KLHL28: variants seen among roughly 807,000 people sequenced by gnomAD.
KLHL28 encodes the protein kelch-like protein 28.
KLHL28 carries 22 observed loss-of-function variants against 48.3 expected under a neutral mutation model. That is an observed-to-expected ratio of 0.46 (90% confidence interval 0.33 to 0.65). KLHL28 has a LOEUF of 0.65. Ranked by LOEUF, KLHL28 falls within the 30% of genes least tolerant of loss-of-function variation. The pLI, the probability that KLHL28 is intolerant of heterozygous loss-of-function variation, is 0.03. For synonymous variants in KLHL28, 243 were observed against 242.4 expected (o/e 1.00, Z -0.02); for missense variants, 527 against 704.3 (o/e 0.75, Z 2.85).
chr14:44,951,222 A>C (rs771198162), intron 1 of KLHL28, among the ~76,000 whole-genome samples: 6 of 152,236 alleles, frequency 3.9e-5, no homozygotes, highest in Non-Finnish European at 7.3e-5. Flanking sequence ...AAACTGTCTC[A>C]TGACACACTT....
rs929929352 is a variant in KLHL28 at position 44,945,146 on chromosome 14, G to A, written c.783C>T (p.His261=). ...KHLLNEALKY[H]FMPEHRLSHQ... ...GAGAGAGTCTATGTTCAGGCATAAA[G>A]TGGTACTTTAGGGCTTCATTCAAAA... Residue 261 remains histidine (H), a synonymous_variant, in exon 2 of 5, where the codon CAC becomes CAT. Transcript: ENST00000396128. 18 of 1,614,008 alleles carry A rather than the reference G, an allele frequency of 1.1e-5. No individual in the cohort carries two copies. The highest frequency in any genetic ancestry group is 2.7e-5 in the African/African-American group (2 of 74,926).
intron 1 of KLHL28, among the ~76,000 whole-genome samples, chr14:44,952,783 A>C (rs948433184): frequency 1.3e-5 from 2 of 152,212 alleles, no homozygotes; most frequent in Middle Eastern, 3.2e-3. Flanking sequence ...TGGCTAAAAA[A>C]AGTAATTCAA....
Position 44,961,005 on chromosome 14 carries a change from A to C in KLHL28, c.-1+841T>G, listed in dbSNP as rs182873812. 9.7e-6 allele frequency: 8 copies of C among 827,374 alleles called. No individual in the cohort carries two copies. The Admixed American group carries it at 1.6e-4, about 17-fold the overall frequency. The allele number at this position is 827,374 out of a possible 1,614,324, so 51.3% of individuals were successfully genotyped here. Reference sequence around the variant, plus strand: ...AGTAATAGTATTATTCCTTCAAAAAAAAAAAATATCTCTTCCACACTCCAA... The same window carrying C: ...AGTAATAGTATTATTCCTTCAAAAACAAAAAATATCTCTTCCACACTCCAA... On this transcript the variant is annotated intron_variant, in intron 1 of 4. Transcript: ENST00000396128.
At chr14:44,941,253 T>A (rs187680855) in intron 2 of KLHL28, among the ~76,000 whole-genome samples, 2 of 152,270 alleles carry the variant, frequency 1.3e-5, no homozygotes, top group Admixed American at 1.3e-4. Context: ...AAAAGAAAAG[T>A]CTTCATTCAG....
intron 2 of KLHL28, among the ~76,000 whole-genome samples, chr14:44,941,318 T>C (rs1260415175): frequency 2.0e-5 from 3 of 152,110 alleles, no homozygotes; most frequent in African/African-American, 7.2e-5. Context: ...ATCTACAGCA[T>C]TTCTACAACT....
intron 3 of KLHL28, among the ~76,000 whole-genome samples, chr14:44,933,720 T>C (rs1342232803): frequency 1.3e-5 from 2 of 152,236 alleles, no homozygotes; most frequent in Admixed American, 6.5e-5. Flanking sequence ...GTTTATGATG[T>C]GCTATAATAT....
At chr14:44,948,323 T>C (rs1348931602) in intron 1 of KLHL28, among the ~76,000 whole-genome samples, 5 of 152,156 alleles carry the variant, frequency 3.3e-5, no homozygotes, top group Non-Finnish European at 5.9e-5. Context: ...GTAAGTGATA[T>C]TGTACTACAG....
rs749413421 is a variant in KLHL28, at chr14:44,931,441, A to G, written c.1444T>C (p.Phe482Leu). Reference sequence around the variant, plus strand: ...ACTCCATTATGTCCACCCACCACAAAAATAAAGCCTAGCATGACACCCACG... The same window carrying G: ...ACTCCATTATGTCCACCCACCACAAGAATAAAGCCTAGCATGACACCCACG... ...FGVGVMLGFI[F>L]VVGGHNGVSH... Residue 482 changes from phenylalanine (F) to leucine (L), a missense_variant, in exon 4 of 5, where the codon TTT becomes CTT. Phe to Leu is a conservative substitution (Grantham distance 22). Transcript: ENST00000396128. 19 of 1,613,918 alleles carry G rather than the reference A, an allele frequency of 1.2e-5. No individual in the cohort carries two copies. Among genetic ancestry groups the G allele is most frequent in the Non-Finnish European group, 1.5e-5 (18 of 1,179,980 alleles).
At chr14:44,934,650 A>C (rs1275468159) in intron 2 of KLHL28, 92 bp from the exon 3 acceptor site, 1 of 967,344 alleles carries the variant, frequency 1.0e-6, no homozygotes, top group Non-Finnish European at 1.5e-6. Flanking sequence ...CAGGGACACA[A>C]AAATTAAAAG....
chr14:44,960,834 A>C, intron 1 of KLHL28: 1 of 976,024 alleles, frequency 1.0e-6, no homozygotes, highest in South Asian at 1.6e-5. Context: ...GCTGTTTGGC[A>C]TATGTGACTC....
chr14:44,958,503 T>A (rs1884894070), intron 1 of KLHL28, among the ~76,000 whole-genome samples: 1 of 152,154 alleles, frequency 6.6e-6, no homozygotes, highest in Admixed American at 6.5e-5. Flanking sequence ...ATTTCTTTCC[T>A]ACAGTTCAAC....
At chr14:44,938,661 C>A (rs993410699) in intron 2 of KLHL28, among the ~76,000 whole-genome samples, 1 of 152,132 alleles carries the variant, frequency 6.6e-6, no homozygotes. Flanking sequence ...TGAGCCACCG[C>A]GCCCGGCCGA....
Position 44,928,842 on chromosome 14 carries a change from A to G in KLHL28, c.*186T>C, listed in dbSNP as rs1286752402. On this transcript the variant is annotated 3_prime_UTR_variant, in exon 5 of 5. Transcript: ENST00000396128. ...CTTTTTTCTTTTTGATTATTGATTT[A>G]CTGTGTAATCAAGAGCAACCAAAAC... The G allele has an allele frequency of 2.2e-6, 1 of 450,056 alleles. No individual in the cohort carries two copies. The highest frequency in any genetic ancestry group is 3.9e-6 in the Non-Finnish European group (1 of 255,258). 27.9% of individuals were successfully genotyped at this position (450,056 alleles called of 1,614,324 possible). A position where few individuals can be genotyped will look rare whatever the true frequency, so the allele number is the denominator to read the frequency against.
chr14:44,929,219 G>A, intron 4 of KLHL28, 28 bp from the exon 5 acceptor site: 1 of 1,565,754 alleles, frequency 6.4e-7, no homozygotes, highest in Non-Finnish European at 8.7e-7. Flanking sequence ...AAAGAAGATA[G>A]AAACATGTTA....
intron 2 of KLHL28, among the ~76,000 whole-genome samples, chr14:44,939,303 A>T (rs964256016): frequency 6.6e-6 from 1 of 152,094 alleles, no homozygotes; most frequent in Non-Finnish European, 1.5e-5. Context: ...AAAGATCTTA[A>T]AATGCCTTCA....
At chr14:44,934,737 G>C (rs1180588068) in intron 2 of KLHL28, among the ~76,000 whole-genome samples, 179 bp from the exon 3 acceptor site, 13 of 152,178 alleles carry the variant, frequency 8.5e-5, no homozygotes, top group Admixed American at 8.5e-4. Flanking sequence ...AGAATGTGTA[G>C]CAAGAAATGC....
chr14:44,946,551 C>CTT (rs397853423), intron 1 of KLHL28, among the ~76,000 whole-genome samples: 49 of 122,484 alleles, frequency 4.0e-4, no homozygotes, highest in Middle Eastern at 4.2e-3. Context: ...CCACTCAACT[C>CTT]TTTTTTTTTT....
chr14:44,941,441 C>A (rs1179152025), intron 2 of KLHL28, among the ~76,000 whole-genome samples: 1 of 122,958 alleles, frequency 8.1e-6, no homozygotes, highest in African/African-American at 3.8e-5. Context: ...AGACCAGCCT[C>A]AGCATGGAGA....
chr14:44,952,903 TAA>T (rs74789218), intron 1 of KLHL28, among the ~76,000 whole-genome samples: 2 of 126,306 alleles, frequency 1.6e-5, no homozygotes, highest in Admixed American at 8.0e-5. Context: ...GTAAGTACCA[TAA>T]AAAAAAAAAA....
Sources: gnomAD v4.1 joint callset for allele counts (sites outside exome capture counted in the v4.1 genomes callset) on GRCh38, gnomAD v4.1.1 for gene constraint, MANE v1.5 for transcripts, NCBI Gene and HGNC (gene_info 2026-07-23, HGNC 2026-07-21) for gene names.